The following AHI1 variants were observed in gnomAD, a reference collection of about 807,000 sequenced individuals.
AHI1 encodes jouberin.
In AHI1, 123 loss-of-function variants were observed where a neutral mutation model predicts 149.3. The ratio of observed to expected loss-of-function variants is 0.82; its 90% CI spans 0.71 to 0.96. The LOEUF is 0.96. Ranked by LOEUF, AHI1 falls within the 40% of genes least tolerant of loss-of-function variation. The probability of loss-of-function intolerance (pLI) is 0.00; values close to 1 mark genes in which losing one functional copy is unlikely to be tolerated. For missense variants in AHI1, 1,439 were observed against 1,422.7 expected (o/e 1.01, Z -0.18); for synonymous variants, 475 against 459.8 (o/e 1.03, Z -0.42).
chr6:135,467,672 A>AC, intron 5 of AHI1, 38 bp from the exon 6 acceptor site: 1 of 1,423,674 alleles, frequency 7.0e-7, no homozygotes, highest in Non-Finnish European at 9.7e-7. Flanking sequence ...AGCTAAGCGT[A>AC]GATTAGTTGT....
chr6:135,362,103 G>GGT (rs749692605), intron 23 of AHI1, among the ~76,000 whole-genome samples: 6 of 151,524 alleles, frequency 4.0e-5, no homozygotes, highest in Non-Finnish European at 8.8e-5. Context: ...AGTATTCCAT[G>GGT]GTGTGTGTGT....
intron 24 of AHI1, among the ~76,000 whole-genome samples, chr6:135,333,352 G>T (rs1439319579): frequency 6.6e-6 from 1 of 151,982 alleles, no homozygotes; most frequent in Non-Finnish European, 1.5e-5. Flanking sequence ...GTGACACTAG[G>T]ACTATATTTT....
At position 135,429,895 on chromosome 6, in the gene AHI1, T is replaced by C. The variant is rs776624343; in HGVS notation, c.2479A>G (p.Met827Val). 5 of 1,561,292 alleles carry C rather than the reference T, an allele frequency of 3.2e-6. No individual in the cohort carries two copies. In the South Asian group the frequency reaches 5.9e-5, roughly 18 times the overall value. Reference protein sequence around the residue: ...IHTKDSTLRIMDLRILVARKF... With the variant: ...IHTKDSTLRIVDLRILVARKF... ...AAATATACTTACATCCGGAGATCCA[T>C]AATTCTCAAAGTACTGTCTTTGGTA... Residue 827 changes from methionine (M) to valine (V), a missense_variant, in exon 18 of 29, where the codon ATG becomes GTG. Coordinates refer to ENST00000265602, the MANE Select transcript of AHI1 (RefSeq NM_001134831.2).
chr6:135,455,937 A>C lies in AHI1; in HGVS notation c.1152-11T>G, dbSNP rs113317693. 2.5e-3 allele frequency: 3,479 copies of C among 1,393,940 alleles called. 85 individuals carry two copies. The African/African-American group carries it at 0.045, about 18-fold the overall frequency. The allele number at this position is 1,393,940 out of a possible 1,614,324, so 86.3% of individuals were successfully genotyped here. A position where few individuals can be genotyped will look rare whatever the true frequency, so the allele number is the denominator to read the frequency against. Reference sequence around the variant, plus strand: ...GAAACAGGCCGTCCACTGTACAAAAAAAGATACTTCCATTAACACAATTTT... The same window carrying C: ...GAAACAGGCCGTCCACTGTACAAAACAAGATACTTCCATTAACACAATTTT... On this transcript the variant is annotated splice_polypyrimidine_tract_variant and intron_variant, in intron 9 of 28. Coordinates refer to ENST00000265602, the MANE Select transcript of AHI1 (RefSeq NM_001134831.2).
At chr6:135,372,052 G>A (rs1410830871) in intron 23 of AHI1, among the ~76,000 whole-genome samples, 1 of 152,188 alleles carries the variant, frequency 6.6e-6, no homozygotes. Context: ...CTATACACCT[G>A]GAAGAAATGG....
intron 11 of AHI1, among the ~76,000 whole-genome samples, chr6:135,451,631 G>T (rs979452434): frequency 6.6e-6 from 1 of 152,026 alleles, no homozygotes; most frequent in Non-Finnish European, 1.5e-5. Context: ...AAGAATTCTT[G>T]ACTGCCATTT....
At chr6:135,444,542 G>A (rs1268563228) in intron 13 of AHI1, among the ~76,000 whole-genome samples, 1 of 152,032 alleles carries the variant, frequency 6.6e-6, no homozygotes, top group Non-Finnish European at 1.5e-5. Context: ...CCCCTACCTT[G>A]AGCATCCTAG....
intron 24 of AHI1, among the ~76,000 whole-genome samples, chr6:135,352,736 C>A (rs575955049): frequency 2.7e-3 from 399 of 145,612 alleles, no homozygotes; most frequent in South Asian, 8.6e-3. Context: ...CACACACACA[C>A]AATATATATA....
intron 16 of AHI1, among the ~76,000 whole-genome samples, chr6:135,432,648 G>A (rs1049566979): frequency 4.6e-5 from 7 of 151,972 alleles, no homozygotes; most frequent in Non-Finnish European, 7.4e-5. Flanking sequence ...CACCGCGCCC[G>A]GCCACCATAT....
At chr6:135,295,782 C>G (rs1457391907) in intron 27 of AHI1, among the ~76,000 whole-genome samples, 2 of 152,202 alleles carry the variant, frequency 1.3e-5, no homozygotes, top group African/African-American at 4.8e-5. Flanking sequence ...TGGGTATGCT[C>G]ATTACCTTAA....
chr6:135,480,118 C>A (rs1793378718), intron 5 of AHI1, among the ~76,000 whole-genome samples: 1 of 152,148 alleles, frequency 6.6e-6, no homozygotes, highest in Admixed American at 6.6e-5. Flanking sequence ...GCAGTGAGAG[C>A]AGACTAATAC....
At chr6:135,432,472 C>A (rs1028164642) in intron 16 of AHI1, among the ~76,000 whole-genome samples, 1 of 152,116 alleles carries the variant, frequency 6.6e-6, no homozygotes, top group African/African-American at 2.4e-5. Context: ...CCTGTCCCAG[C>A]CTCCCAAGTA....
intron 23 of AHI1, among the ~76,000 whole-genome samples, chr6:135,390,530 A>G (rs1172995905): frequency 6.6e-6 from 1 of 152,212 alleles, no homozygotes; most frequent in Non-Finnish European, 1.5e-5. Flanking sequence ...GAGTGGCTCT[A>G]GACAGTCTCC....
chr6:135,364,060 G>A (rs1208716106), intron 23 of AHI1, among the ~76,000 whole-genome samples: 2 of 150,524 alleles, frequency 1.3e-5, no homozygotes, highest in African/African-American at 2.4e-5. Flanking sequence ...GCGGCTGGCC[G>A]GGCGGGGGGC....
intron 23 of AHI1, among the ~76,000 whole-genome samples, chr6:135,360,515 A>G (rs990134939): frequency 6.6e-6 from 1 of 152,138 alleles, no homozygotes; most frequent in African/African-American, 2.4e-5. Context: ...TAGCCTGCAG[A>G]TTTTGGTCTT....
chr6:135,426,952 A>C (rs977300665), intron 20 of AHI1, among the ~76,000 whole-genome samples: 4 of 151,662 alleles, frequency 2.6e-5, no homozygotes, highest in Non-Finnish European at 5.9e-5. Context: ...TTACCTTTTA[A>C]ATTTAGTTAA....
chr6:135,461,575 T>G (rs539518295), intron 8 of AHI1, among the ~76,000 whole-genome samples: 1 of 151,950 alleles, frequency 6.6e-6, no homozygotes, highest in Non-Finnish European at 1.5e-5. Context: ...CTCCTAACAA[T>G]ATGCCCAAGA....
intron 28 of AHI1, among the ~76,000 whole-genome samples, chr6:135,288,663 T>C (rs2128338374): frequency 6.6e-6 from 1 of 152,144 alleles, no homozygotes; most frequent in South Asian, 2.1e-4. Flanking sequence ...TGAATAACCA[T>C]ATGATATTCT....
At chr6:135,405,224 C>A (rs1583061495) in intron 21 of AHI1, among the ~76,000 whole-genome samples, 1 of 152,258 alleles carries the variant, frequency 6.6e-6, no homozygotes, top group East Asian at 1.9e-4. Context: ...GGTTATCTGC[C>A]TCAAGAAAAA....
Sources: allele counts gnomAD v4.1 joint callset (sites outside exome capture counted in the v4.1 genomes callset), GRCh38; gene constraint gnomAD v4.1.1; transcripts MANE v1.5; gene names NCBI Gene and HGNC (gene_info 2026-07-23, HGNC 2026-07-21).